Variants in CYB5RL observed in about 807,000 individuals in gnomAD.
CYB5RL encodes NADH-cytochrome b5 reductase-like.
Under a neutral mutation model 37.5 loss-of-function variants are expected in CYB5RL, and 38 were observed. That is an observed-to-expected ratio of 1.01 (90% CI 0.78 to 1.33). CYB5RL has a LOEUF of 1.33. Ranked by LOEUF, CYB5RL falls within the 40% of genes most tolerant of loss-of-function variation. CYB5RL has a pLI of 0.00. For synonymous variants in CYB5RL, 141 were observed against 151.9 expected, an observed-to-expected ratio of 0.93 and a Z score of 0.53; for missense variants, 388 against 394.4, an observed-to-expected ratio of 0.98 and a Z score of 0.14.
chr1:54,177,500 G>A (rs777207784), intron 7 of CYB5RL, among the ~76,000 whole-genome samples: 11 of 152,144 alleles, frequency 7.2e-5, no homozygotes, highest in Non-Finnish European at 1.5e-4. Context: ...CTGGCATCCC[G>A]AACATCCTCA....
intron 4 of CYB5RL, among the ~76,000 whole-genome samples, chr1:54,189,387 C>T (rs1570114105): frequency 1.3e-5 from 2 of 152,008 alleles, no homozygotes; most frequent in East Asian, 3.9e-4. Context: ...AGGCCAGCCA[C>T]TGACAAGGGC....
intron 7 of CYB5RL, among the ~76,000 whole-genome samples, chr1:54,177,310 C>G (rs1277298698): frequency 6.6e-6 from 1 of 152,096 alleles, no homozygotes; most frequent in Non-Finnish European, 1.5e-5. Context: ...CAGGCAGGAG[C>G]CACCAGTCAC....
rs561999759 is a variant in CYB5RL at position 54,176,750 on chromosome 1, T to A, written c.745-1928A>T. Among the ~76,000 whole-genome samples the A allele has an allele frequency of 3.3e-5, 5 of 152,300 alleles. No individual in the cohort carries two copies. The South Asian group carries it at 1.0e-3, about 32-fold the overall frequency. ...GCCTATCCCACCATGCACCCTGAGATGCCCTGGGCCTGGCTGCTGGTGAGA... is the reference window on the plus strand; with the variant it reads ...GCCTATCCCACCATGCACCCTGAGAAGCCCTGGGCCTGGCTGCTGGTGAGA... On this transcript the variant is annotated intron_variant, in intron 7 of 7. Coordinates refer to ENST00000534324, the MANE Select transcript of CYB5RL (RefSeq NM_001031672.4).
At chr1:54,184,028 A>G in intron 6 of CYB5RL, 133 bp downstream of exon 6, 1 of 591,154 alleles carries the variant, frequency 1.7e-6, no homozygotes, top group Middle Eastern at 2.7e-4. Context: ...ATCTTCTCCC[A>G]TGTCCAACCC....
At position 54,184,259 on chromosome 1, in the gene CYB5RL, G is replaced by A; in HGVS notation, c.442C>T (p.Gln148Ter). ...GYFEVLIKCY[Q>*]MGLMSRYVES... is the part of the protein sequence containing the mutation. ...ACATACCGGGACATCAGCCCCATCT[G>A]GTAGCACTGGAAGCAAACACAGGGA... The change falls in exon 6 of 8, where the codon CAG (glutamine) becomes TAG (stop). Residue 148 changes from glutamine to a stop codon, truncating the protein, a stop_gained. Coordinates refer to ENST00000534324, the MANE Select transcript of CYB5RL (RefSeq NM_001031672.4). LOFTEE classifies it high-confidence loss of function. 1 of 1,613,256 alleles carries A rather than the reference G, an allele frequency of 6.2e-7. No homozygotes were observed. Among genetic ancestry groups the A allele is most frequent in the Non-Finnish European group, 8.5e-7 (1 of 1,179,604 alleles).
chr1:54,194,074 G>C (rs530155203), intron 3 of CYB5RL, among the ~76,000 whole-genome samples: 8 of 150,032 alleles, frequency 5.3e-5, no homozygotes, highest in Admixed American at 1.3e-4. Context: ...TTGGGGTTCA[G>C]AGAAACAACT....
intron 7 of CYB5RL, among the ~76,000 whole-genome samples, chr1:54,178,008 G>C (rs1660062220): frequency 6.6e-6 from 1 of 152,206 alleles, no homozygotes; most frequent in Non-Finnish European, 1.5e-5. Flanking sequence ...CTGGGCAACA[G>C]TGGCCCATCC....
rs1643945961 is a variant in CYB5RL, at chr1:54,190,903, C to T, written c.199-7G>A. On this transcript the variant is annotated splice_region_variant and splice_polypyrimidine_tract_variant and intron_variant, in intron 3 of 7. Coordinates refer to ENST00000534324, the MANE Select transcript of CYB5RL (RefSeq NM_001031672.4). The stretch of plus-strand genomic sequence containing the variant: ...TCAGCTTGGAGGGGCAGCTCTGCAA[C>T]AGGAAGAGATCCAACAGCTAGAGGC... 1 of 1,610,590 alleles carries T rather than the reference C, an allele frequency of 6.2e-7. No homozygotes were observed. The highest frequency in any genetic ancestry group is 2.2e-5 in the East Asian group (1 of 44,820).
intron 3 of CYB5RL, among the ~76,000 whole-genome samples, chr1:54,192,144 T>A (rs1214221921): frequency 6.6e-6 from 1 of 151,554 alleles, no homozygotes; most frequent in Non-Finnish European, 1.5e-5. Context: ...TTTATAGGAC[T>A]GACAAAATGT....
At position 54,176,387 on chromosome 1, in the gene CYB5RL, T is replaced by C. The variant is rs148396483; in HGVS notation, c.745-1565A>G. On this transcript the variant is annotated intron_variant, in intron 7 of 7. Transcript: ENST00000534324. ...GTCTACAAAAAATACAAAAATTAGC[T>C]AGGGGTGATGCTATGTGCCTATAGT... 9.2e-4 allele frequency among the ~76,000 whole-genome samples: 140 copies of C among 152,246 alleles called. 1 individual carries two copies. The highest frequency in any genetic ancestry group is 3.3e-3 in the African/African-American group (139 of 41,566).
Position 54,174,107 on chromosome 1 carries a change from C to T in CYB5RL, c.*512G>A, listed in dbSNP as rs1023207735. ...GTGGTCAAGTCATAGAACCCAAGAC[C>T]TTCATGTGTCAGGCTCATGGCACTG... On this transcript the variant is annotated 3_prime_UTR_variant, in exon 8 of 8. Transcript: ENST00000534324. 1.1e-5 allele frequency: 2 copies of T among 174,706 alleles called. No individual in the cohort carries two copies. The highest frequency in any genetic ancestry group is 1.3e-5 in the Non-Finnish European group (1 of 79,330). The allele number at this position is 174,706 out of a possible 1,614,324, so 10.8% of individuals were successfully genotyped here. A position where few individuals can be genotyped will look rare whatever the true frequency, so the allele number is the denominator to read the frequency against.
At chr1:54,189,048 T>A (rs967013665) in intron 4 of CYB5RL, among the ~76,000 whole-genome samples, 1 of 152,154 alleles carries the variant, frequency 6.6e-6, no homozygotes, top group Non-Finnish European at 1.5e-5. Context: ...CTGGGCATGG[T>A]GGTGCATGCC....
chr1:54,190,659 G>A (rs1236722166), intron 4 of CYB5RL, 89 bp downstream of exon 4: 6 of 1,501,704 alleles, frequency 4.0e-6, no homozygotes, highest in Non-Finnish European at 5.4e-6. Flanking sequence ...GGAGGCTTAA[G>A]GGAGAGTACG....
chr1:54,183,975 CTAAATAAATAAA>C (rs199724788), intron 6 of CYB5RL, 174 bp downstream of exon 6: 3 of 355,566 alleles, frequency 8.4e-6, no homozygotes, highest in East Asian at 6.2e-5. Context: ...AACTCCGTCT[CTAAATAAATAAA>C]TAAATAAATA....
chr1:54,181,594 G>A (rs988667084), intron 6 of CYB5RL, among the ~76,000 whole-genome samples: 2 of 152,278 alleles, frequency 1.3e-5, no homozygotes, highest in South Asian at 2.1e-4. Context: ...TTCAGTGACC[G>A]CATATTAAGG....
At chr1:54,196,006 C>G (rs1207253950) in intron 2 of CYB5RL, among the ~76,000 whole-genome samples, 1 of 152,150 alleles carries the variant, frequency 6.6e-6, no homozygotes, top group Non-Finnish European at 1.5e-5. Context: ...GTGGGACCCC[C>G]TTGAGCACAG....
intron 1 of CYB5RL, among the ~76,000 whole-genome samples, chr1:54,197,045 C>T (rs568841444): frequency 6.6e-6 from 1 of 152,246 alleles, no homozygotes; most frequent in South Asian, 2.1e-4. Flanking sequence ...AGACAGAAGG[C>T]TCAAGAAGAA....
chr1:54,187,902 C>T, intron 4 of CYB5RL, 163 bp from the exon 5 acceptor site: 1 of 596,480 alleles, frequency 1.7e-6, no homozygotes, highest in Non-Finnish European at 3.0e-6. Context: ...ATAGTGAAAC[C>T]CGTCACTACT....
At chr1:54,193,281 C>G (rs1643973303) in intron 3 of CYB5RL, among the ~76,000 whole-genome samples, 1 of 152,166 alleles carries the variant, frequency 6.6e-6, no homozygotes, top group Non-Finnish European at 1.5e-5. Flanking sequence ...GACAGAGGCC[C>G]CTTCTCTTCC....
Sources: gnomAD v4.1 joint callset for allele counts (sites outside exome capture counted in the v4.1 genomes callset) on GRCh38, gnomAD v4.1.1 for gene constraint, MANE v1.5 for transcripts, NCBI Gene and HGNC (gene_info 2026-07-23, HGNC 2026-07-21) for gene names.